Variants in CEP57L1 observed in about 807,000 individuals in gnomAD.
CEP57L1 encodes the protein centrosomal protein CEP57L1.
CEP57L1 carries 37 observed loss-of-function variants against 61.0 expected under a neutral mutation model. The ratio of observed to expected loss-of-function variants is 0.61; its 90% confidence interval spans 0.47 to 0.80. The LOEUF is 0.80. Ranked by LOEUF, CEP57L1 falls within the 30% of genes least tolerant of loss-of-function variation. The pLI, the probability that CEP57L1 is intolerant of heterozygous loss-of-function variation, is 0.00. For synonymous variants in CEP57L1, 137 were observed against 162.3 expected, an observed-to-expected ratio of 0.84 and a Z score of 1.19; for missense variants, 422 against 524.7, an observed-to-expected ratio of 0.80 and a Z score of 1.91.
chr6:109,149,266 G>C (rs960971737), intron 3 of CEP57L1, among the ~76,000 whole-genome samples: 1 of 152,204 alleles, frequency 6.6e-6, no homozygotes, highest in Non-Finnish European at 1.5e-5. Context: ...TAACGTTTAA[G>C]TCTTTAATCC....
rs1042878932 is a variant in CEP57L1 at position 109,108,263 on chromosome 6, A to C, written c.-4+12688A>C. Among the ~76,000 whole-genome samples the C allele has an allele frequency of 2.0e-5, 3 of 147,786 alleles. No individual in the cohort carries two copies. In the East Asian group the frequency reaches 6.0e-4, roughly 29 times the overall value. On this transcript the variant is annotated intron_variant, in intron 1 of 10. Transcript: ENST00000517392. ...TCTCTTTTTTTTTTTTTTTTGAGAT[A>C]GAGTTTCACTCTCGTCACCCAGGGT...
chr6:109,105,841 A>C (rs1004668953), intron 1 of CEP57L1, among the ~76,000 whole-genome samples: 1 of 152,174 alleles, frequency 6.6e-6, no homozygotes, highest in Non-Finnish European at 1.5e-5. Context: ...GAACAAGTGA[A>C]GCTTCATCTG....
chr6:109,173,004 C>T lies in CEP57L1; in HGVS notation c.*10034C>T, dbSNP rs950470416. On this transcript the variant is annotated 3_prime_UTR_variant, in exon 11 of 11. Coordinates refer to ENST00000517392, the MANE Select transcript of CEP57L1 (RefSeq NM_001271852.3). ...CTGCTTTGCTTAATAATGGGTTTGCCATATCTACTTTAATGAGATGTGTGG... is the reference window on the plus strand; with the variant it reads ...CTGCTTTGCTTAATAATGGGTTTGCTATATCTACTTTAATGAGATGTGTGG... Among the ~76,000 whole-genome samples, 1 of 152,164 alleles carries T rather than the reference C, an allele frequency of 6.6e-6. No individual in the cohort carries two copies. The highest frequency in any genetic ancestry group is 6.5e-5 in the Admixed American group (1 of 15,276).
intron 10 of CEP57L1, 48 bp from the exon 11 acceptor site, chr6:109,162,701 T>C (rs1313839782): frequency 5.8e-6 from 7 of 1,200,674 alleles, no homozygotes; most frequent in Non-Finnish European, 7.1e-6. Flanking sequence ...TTGGAATATA[T>C]TTTTAGTATA....
chr6:109,122,288 T>G (rs1312757205), intron 1 of CEP57L1, among the ~76,000 whole-genome samples: 3 of 152,168 alleles, frequency 2.0e-5, no homozygotes, highest in African/African-American at 7.2e-5. Context: ...TTAGATAAAA[T>G]TGCTTCTATC....
rs1292989571 is a variant in CEP57L1 at position 109,130,603 on chromosome 6, C to CTTTTTTT, written c.-3-14610_-3-14604dup. On this transcript the variant is annotated intron_variant, in intron 1 of 10. Transcript: ENST00000517392. ...AATACATATGCAGAAGTGTGATTGT[C>CTTTTTTT]TTTTTTTTTTTTGTGAAATTGACAT... 1.7e-3 allele frequency: 208 copies of CTTTTTTT among 124,336 alleles called. 1 individual carries two copies. The highest frequency in any genetic ancestry group is 5.9e-3 in the African/African-American group (198 of 33,316). The allele number at this position is 124,336 out of a possible 1,614,324, so 7.7% of individuals were successfully genotyped here. A position where few individuals can be genotyped will look rare whatever the true frequency, so the allele number is the denominator to read the frequency against.
intron 1 of CEP57L1, among the ~76,000 whole-genome samples, chr6:109,097,946 T>C (rs1186880433): frequency 3.3e-5 from 5 of 152,230 alleles, no homozygotes; most frequent in Admixed American, 2.0e-4. Context: ...AGAAGGCTAG[T>C]GTGGCTGGAG....
chr6:109,146,646 A>G, intron 2 of CEP57L1, 112 bp from the exon 3 acceptor site: 1 of 665,414 alleles, frequency 1.5e-6, no homozygotes, highest in Non-Finnish European at 2.5e-6. Context: ...CATTACTTGT[A>G]CATTTTTCTG....
At chr6:109,116,246 C>T (rs995377866) in intron 1 of CEP57L1, among the ~76,000 whole-genome samples, 5 of 151,956 alleles carry the variant, frequency 3.3e-5, no homozygotes, top group Non-Finnish European at 7.4e-5. Flanking sequence ...GGCATGATCT[C>T]GGCTCACTGC....
intron 1 of CEP57L1, among the ~76,000 whole-genome samples, chr6:109,143,677 A>C (rs1771660425): frequency 6.6e-6 from 1 of 152,106 alleles, no homozygotes; most frequent in South Asian, 2.1e-4. Flanking sequence ...AATTTGGACC[A>C]GTTTTTTAAC....
At chr6:109,158,496 A>G (rs1773428477) in intron 7 of CEP57L1, 3 of 386,536 alleles carry the variant, frequency 7.8e-6, no homozygotes, top group South Asian at 5.8e-5. Context: ...CTCAAAAAAA[A>G]AAGGATATTT....
intron 1 of CEP57L1, among the ~76,000 whole-genome samples, chr6:109,136,699 ATTT>A (rs148320370): frequency 1.8e-5 from 2 of 109,116 alleles, no homozygotes; most frequent in Non-Finnish European, 4.0e-5. Flanking sequence ...TGAAACTTGT[ATTT>A]TTATTTTATT....
chr6:109,150,687 TA>T (rs1312146415), intron 4 of CEP57L1, among the ~76,000 whole-genome samples: 2 of 149,946 alleles, frequency 1.3e-5, no homozygotes, highest in African/African-American at 4.9e-5. Context: ...AGTAAAATCT[TA>T]AAAGCATCCA....
Position 109,163,705 on chromosome 6 carries a change from T to A in CEP57L1, c.*735T>A, listed in dbSNP as rs1368066178. ...TGTCCATCAGTATAAATTGAGACTG[T>A]GAATTTCTAGGACCCACAAAAGTGG... On this transcript the variant is annotated 3_prime_UTR_variant, in exon 11 of 11. Transcript: ENST00000517392. 1 of 152,132 alleles carries A rather than the reference T, an allele frequency of 6.6e-6. No individual in the cohort carries two copies. 9.4% of individuals were successfully genotyped at this position (152,132 alleles called of 1,614,324 possible).
chr6:109,157,759 A>G (rs1400233679), intron 7 of CEP57L1: 1 of 152,216 alleles, frequency 6.6e-6, no homozygotes, highest in Non-Finnish European at 1.5e-5. Flanking sequence ...AACAGGAACT[A>G]TTGAAGGCTT....
At chr6:109,106,644 C>T (rs1044809513) in intron 1 of CEP57L1, among the ~76,000 whole-genome samples, 1 of 151,962 alleles carries the variant, frequency 6.6e-6, no homozygotes. Flanking sequence ...AATTAATGTT[C>T]AAGACCAGGC....
chr6:109,127,815 A>C (rs2114740325), intron 1 of CEP57L1, among the ~76,000 whole-genome samples: 1 of 150,966 alleles, frequency 6.6e-6, no homozygotes, highest in Non-Finnish European at 1.5e-5. Context: ...TTTTTAGTAG[A>C]GACGAGGTTT....
intron 1 of CEP57L1, among the ~76,000 whole-genome samples, chr6:109,108,155 C>T (rs1166261950): frequency 1.3e-5 from 2 of 152,074 alleles, no homozygotes; most frequent in Admixed American, 6.6e-5. Flanking sequence ...AAATGTAATG[C>T]CCCACCAGTA....
At chr6:109,157,365 T>G (rs971791270) in intron 7 of CEP57L1, 3 of 152,166 alleles carry the variant, frequency 2.0e-5, no homozygotes, top group Non-Finnish European at 4.4e-5. Context: ...TTGATGTACA[T>G]AGACTGGTAT....
Sources: gnomAD v4.1 joint callset for allele counts (sites outside exome capture counted in the v4.1 genomes callset) on GRCh38, gnomAD v4.1.1 for gene constraint, MANE v1.5 for transcripts, NCBI Gene and HGNC (gene_info 2026-07-23, HGNC 2026-07-21) for gene names.